SSH2: variants seen among roughly 807,000 people sequenced by gnomAD.
SSH2 encodes slingshot protein phosphatase 2, also known as protein phosphatase Slingshot homolog 2.
A neutral mutation model predicts 135.2 loss-of-function variants in SSH2; 37 were observed. The ratio of observed to expected loss-of-function variants is 0.27; its 90% confidence interval spans 0.21 to 0.36. SSH2 has a LOEUF of 0.36. SSH2 is among the 10% of genes least tolerant of loss of function. The probability of loss-of-function intolerance (pLI) is 1.00; values close to 1 mark genes in which losing one functional copy is unlikely to be tolerated. For missense variants in SSH2, 1,408 were observed against 1,765.3 expected (o/e 0.80, Z 3.63); for synonymous variants, 628 against 646.2 (o/e 0.97, Z 0.43).
rs1369037058 is a variant in SSH2 at position 29,628,252 on chromosome 17, T to G, written c.*2589A>C. On this transcript the variant is annotated 3_prime_UTR_variant, in exon 16 of 16. Transcript: ENST00000540801. ...AGATATTCTGTAGAAGATGTTTATTTAGGCAGGTAAATTAAATGATAAAAA... is the reference window on the plus strand; with the variant it reads ...AGATATTCTGTAGAAGATGTTTATTGAGGCAGGTAAATTAAATGATAAAAA... 1 of 152,230 alleles carries G rather than the reference T, an allele frequency of 6.6e-6. No individual in the cohort carries two copies. The highest frequency in any genetic ancestry group is 2.4e-5 in the African/African-American group (1 of 41,464). 9.4% of individuals were successfully genotyped at this position (152,230 alleles called of 1,614,324 possible). A position where few individuals can be genotyped will look rare whatever the true frequency, so the allele number is the denominator to read the frequency against.
intron 3 of SSH2, among the ~76,000 whole-genome samples, chr17:29,745,106 A>G (rs991893074): frequency 6.6e-6 from 1 of 151,768 alleles, no homozygotes; most frequent in African/African-American, 2.4e-5. Flanking sequence ...GATACTCCGG[A>G]TGCTCTGCCC....
At chr17:29,690,508 C>G (rs2038424049) in intron 5 of SSH2, among the ~76,000 whole-genome samples, 1 of 151,900 alleles carries the variant, frequency 6.6e-6, no homozygotes, top group Non-Finnish European at 1.5e-5. Flanking sequence ...TTAATTACCC[C>G]CAGTAAACTA....
At chr17:29,656,734 T>C (rs1022654219) in intron 11 of SSH2, among the ~76,000 whole-genome samples, 26 of 152,128 alleles carry the variant, frequency 1.7e-4, no homozygotes, top group African/African-American at 6.0e-4. Context: ...ATATCATACT[T>C]TTTCCCCCTG....
At chr17:29,742,484 T>TC (rs2040595177) in intron 3 of SSH2, among the ~76,000 whole-genome samples, 2 of 144,246 alleles carry the variant, frequency 1.4e-5, no homozygotes, top group Admixed American at 1.4e-4. Flanking sequence ...ACACCCAGTT[T>TC]TTTTTTTTTT....
rs1163891353 is a variant in SSH2, at chr17:29,631,642, C to T, written c.3552G>A (p.Gln1184=). 11 of 1,614,070 alleles carry T rather than the reference C, an allele frequency of 6.8e-6. No individual in the cohort carries two copies. The highest frequency in any genetic ancestry group is 3.3e-4 in the Middle Eastern group (2 of 6,082). ...SSTTDEPSAE[Q]VSWEESQESP... ...TCTCCTGACTTTCTTCCCAGCTAAC[C>T]TGTTCTGCAGAGGGCTCATCTGTAG... The change falls in exon 16 of 16, where the codon CAG becomes CAA. Residue 1184 remains glutamine, a synonymous_variant. Coordinates refer to ENST00000540801, the MANE Select transcript of SSH2 (RefSeq NM_001282129.2).
chr17:29,721,047 A>G (rs930293828), intron 3 of SSH2, among the ~76,000 whole-genome samples: 2 of 152,226 alleles, frequency 1.3e-5, no homozygotes, highest in African/African-American at 4.8e-5. Flanking sequence ...GTTCAAATTC[A>G]CTAAATGCAC....
intron 3 of SSH2, among the ~76,000 whole-genome samples, chr17:29,729,092 A>C (rs1183009646): frequency 1.3e-5 from 2 of 152,192 alleles, no homozygotes; most frequent in Non-Finnish European, 2.9e-5. Flanking sequence ...GAAACAACAA[A>C]GAGACCACCC....
At chr17:29,648,012 G>T in intron 14 of SSH2, 132 bp downstream of exon 14, 1 of 874,802 alleles carries the variant, frequency 1.1e-6, no homozygotes, top group Non-Finnish European at 1.8e-6. Context: ...AAACTGGATT[G>T]ATAGAGAAAT....
At chr17:29,845,479 T>A (rs1194816870) in intron 2 of SSH2, among the ~76,000 whole-genome samples, 1 of 152,196 alleles carries the variant, frequency 6.6e-6, no homozygotes, top group African/African-American at 2.4e-5. Context: ...GCCAAGTACA[T>A]GAAACAACTT....
Position 29,632,069 on chromosome 17 carries a change from G to A in SSH2, c.3125C>T (p.Thr1042Ile), listed in dbSNP as rs2035704713. 21 of 1,614,222 alleles carry A rather than the reference G, an allele frequency of 1.3e-5. No homozygotes were observed. Among genetic ancestry groups the A allele is most frequent in the Non-Finnish European group, 1.8e-5 (21 of 1,180,044 alleles). Residue 1042 changes from threonine to isoleucine, a missense_variant, in exon 16 of 16, where the codon ACC (threonine) becomes ATC (isoleucine). Thr to Ile is a moderately conservative substitution (Grantham distance 89, BLOSUM62 -1). This residue lies in a region of SSH2 where 1,080 missense variants were observed against 1,144.5 expected (regional missense o/e 0.94). Transcript: ENST00000540801. The stretch of plus-strand genomic sequence containing the variant: ...GTGATTGGGTGATGTAACTATGTGG[G>A]TATATTCAATGATTTCTACCCTCTT... ...LPKRVEIIEY[T>I]HIVTSPNHTG...
chr17:29,632,775 G>T lies in SSH2; in HGVS notation c.2419C>A (p.Pro807Thr), dbSNP rs144500440. The change falls in exon 16 of 16, where the codon CCA becomes ACA. Residue 807 changes from proline to threonine, a missense_variant. Transcript: ENST00000540801. ...AGCTCATGGATGCTGTTCTTCTTTG[G>T]TGTATGGCATGGGTTGGGTAAGATG... ...GDILPNPCHT[P>T]KKNSIHELLL... 4.3e-6 allele frequency: 7 copies of T among 1,614,152 alleles called. No homozygotes were observed. In the Admixed American group the frequency reaches 5.0e-5, roughly 12 times the overall value.
intron 3 of SSH2, among the ~76,000 whole-genome samples, chr17:29,718,696 G>A (rs912836364): frequency 5.8e-5 from 7 of 120,774 alleles, no homozygotes; most frequent in Non-Finnish European, 9.5e-5. Context: ...TCGTGCCACT[G>A]CACTCTAGAC....
At chr17:29,894,178 A>G (rs1486427593) in intron 1 of SSH2, among the ~76,000 whole-genome samples, 1 of 152,070 alleles carries the variant, frequency 6.6e-6, no homozygotes, top group Non-Finnish European at 1.5e-5. Flanking sequence ...GAATAATAAT[A>G]ATTCCTAAGT....
chr17:29,763,490 G>A (rs1345941014), intron 3 of SSH2, among the ~76,000 whole-genome samples: 3 of 149,188 alleles, frequency 2.0e-5, no homozygotes, highest in Admixed American at 6.7e-5. Context: ...GCCTCCTGCT[G>A]TGATTAAAAA....
chr17:29,729,733 C>T (rs1469196246), intron 3 of SSH2, among the ~76,000 whole-genome samples: 2 of 152,154 alleles, frequency 1.3e-5, no homozygotes, highest in African/African-American at 4.8e-5. Flanking sequence ...TCTTTTGCAA[C>T]AACATGGATG....
At chr17:29,755,390 T>TA (rs539857217) in intron 3 of SSH2, among the ~76,000 whole-genome samples, 12 of 152,282 alleles carry the variant, frequency 7.9e-5, no homozygotes, top group Non-Finnish European at 1.6e-4. Flanking sequence ...CATTGACAGG[T>TA]AAAAAATAAT....
intron 1 of SSH2, chr17:29,863,326 C>G (rs2065797653): frequency 1.3e-5 from 2 of 152,218 alleles, no homozygotes; most frequent in Non-Finnish European, 2.9e-5. Context: ...CCTCTTTTAC[C>G]TACCAGTCCA....
chr17:29,636,579 T>G lies in SSH2; in HGVS notation c.1651A>C (p.Lys551Gln). Residue 551 changes from lysine (K) to glutamine (Q), a missense_variant, in exon 15 of 16, where the codon AAA becomes CAA. By Grantham distance (53) the Lys-to-Gln change is moderately conservative. Around this residue, in one of 3 missense-constraint regions of SSH2, gnomAD observed 1,080 missense variants for 1,144.5 expected, o/e 0.94. Coordinates refer to ENST00000540801, the MANE Select transcript of SSH2 (RefSeq NM_001282129.2). ...QDANQKGLCT[K>Q]ERMICLEFTS... The stretch of plus-strand genomic sequence containing the variant: ...AACTCCAAGCAGATCATTCTTTCTT[T>G]GGTACACAGGCCTTTCTGATTTGCA... 1 of 1,614,222 alleles carries G rather than the reference T, an allele frequency of 6.2e-7. No individual in the cohort carries two copies. The highest frequency in any genetic ancestry group is 8.5e-7 in the Non-Finnish European group (1 of 1,180,048).
intron 6 of SSH2, among the ~76,000 whole-genome samples, chr17:29,683,590 A>C (rs1426595121): frequency 1.3e-5 from 2 of 152,158 alleles, no homozygotes; most frequent in Non-Finnish European, 2.9e-5. Context: ...ATACTACCAC[A>C]AAGGGTAGGT....
Sources: gnomAD v4.1 joint callset for allele counts (sites outside exome capture counted in the v4.1 genomes callset) on GRCh38, gnomAD v4.1.1 for gene constraint, gnomAD v4.1.1 regional missense constraint, MANE v1.5 for transcripts, NCBI Gene and HGNC (gene_info 2026-07-23, HGNC 2026-07-21) for gene names.